The following FNTB variants were observed in gnomAD, a reference collection of about 807,000 sequenced individuals.
FNTB encodes farnesyltransferase, CAAX box, subunit beta.
Under a neutral mutation model 59.4 loss-of-function variants are expected in FNTB, and 27 were observed. The ratio of observed to expected loss-of-function variants is 0.45; its 90% confidence interval spans 0.34 to 0.63. The LOEUF is 0.63. Among genes scored for constraint, FNTB ranks in the 20% least tolerant of loss-of-function variants. The pLI is 0.02. For missense variants in FNTB, 449 were observed against 559.6 expected (o/e 0.80, Z 1.99); for synonymous variants, 230 against 220.7 (o/e 1.04, Z -0.37).
intron 11 of FNTB, 78 bp from the exon 12 acceptor site, chr14:65,061,103 C>T: frequency 1.9e-6 from 3 of 1,568,356 alleles, no homozygotes; most frequent in Admixed American, 3.7e-5. Flanking sequence ...TTAGAAGTGC[C>T]TTTCATGGAG....
intron 11 of FNTB, among the ~76,000 whole-genome samples, chr14:65,055,154 T>C (rs116778467): frequency 1.3e-5 from 2 of 152,312 alleles, no homozygotes; most frequent in African/African-American, 2.4e-5. Flanking sequence ...CTTGTTCATA[T>C]TCTTTGTAGT....
In FNTB at chr14:65,054,288, T is replaced by G. The variant is rs962439475; in HGVS notation, c.1068-287T>G. Among the ~76,000 whole-genome samples, 1 of 152,036 alleles carries G rather than the reference T, an allele frequency of 6.6e-6. No individual in the cohort carries two copies. The highest frequency in any genetic ancestry group is 1.5e-5 in the Non-Finnish European group (1 of 68,018). On this transcript the variant is annotated intron_variant, in intron 10 of 11. Transcript: ENST00000246166. This position sits in a 1 kb window ranked among gnomAD's most constrained non-coding sequence, Gnocchi z 4.4. Reference sequence around the variant, plus strand: ...CCACCACACCTAGCTAATTTTTAATTTTTTGTAGAGACGGGGTCTCCCATG... The same window carrying G: ...CCACCACACCTAGCTAATTTTTAATGTTTTGTAGAGACGGGGTCTCCCATG...
At position 65,044,647 on chromosome 14, in the gene FNTB, T is replaced by C. The variant is rs2062434599; in HGVS notation, c.955+204T>C. On this transcript the variant is annotated intron_variant, in intron 9 of 11. Transcript: ENST00000246166. The surrounding 1 kb of genome is among the most constrained non-coding windows in gnomAD (Gnocchi z 5.5). The stretch of plus-strand genomic sequence containing the variant: ...TCATTGGTTTAGTGTCATTCTTTGC[T>C]TCTTCAAATTGGCTGCGACAGAATG... 4 of 778,876 alleles carry C rather than the reference T, an allele frequency of 5.1e-6. 1 individual carries two copies. Among genetic ancestry groups the C allele is most frequent in the East Asian group, 6.8e-5 (2 of 29,610 alleles). The allele number at this position is 778,876 out of a possible 1,614,324, so 48.2% of individuals were successfully genotyped here.
At chr14:65,048,075 C>A (rs961273692) in intron 9 of FNTB, among the ~76,000 whole-genome samples, 1 of 143,120 alleles carries the variant, frequency 7.0e-6, no homozygotes, top group Admixed American at 7.4e-5. Context: ...GTAGCCTCCT[C>A]GGTTCAATTG....
chr14:65,057,254 G>T (rs1301912271), intron 11 of FNTB, among the ~76,000 whole-genome samples: 2 of 152,094 alleles, frequency 1.3e-5, no homozygotes, highest in African/African-American at 4.8e-5. Flanking sequence ...TTTGTTTTTG[G>T]TGTTTTTTTG....
At chr14:65,002,431 A>G (rs1189344471) in intron 1 of FNTB, among the ~76,000 whole-genome samples, 1 of 152,144 alleles carries the variant, frequency 6.6e-6, no homozygotes, top group Non-Finnish European at 1.5e-5. Flanking sequence ...CAACATGGTG[A>G]AACCTCATCT....
rs1045289070 is a variant in FNTB at position 65,011,307 on chromosome 14, T to C, written c.210-1010T>C. ...AGCTGGGTGTGGTGGCACGTGCCTG[T>C]AATCCCAGCTACTCAGGTGGCTGAG... is the stretch of plus-strand genomic sequence containing the variant. On this transcript the variant is annotated intron_variant, in intron 2 of 11. Coordinates refer to ENST00000246166, the MANE Select transcript of FNTB (RefSeq NM_002028.4). This position sits in a 1 kb window ranked among gnomAD's most constrained non-coding sequence, Gnocchi z 4.0. Among the ~76,000 whole-genome samples the C allele has an allele frequency of 6.6e-6, 1 of 151,906 alleles. No homozygotes were observed. Among genetic ancestry groups the C allele is most frequent in the Non-Finnish European group, 1.5e-5 (1 of 67,998 alleles).
Position 65,044,922 on chromosome 14 carries a change from C to T in FNTB, c.955+479C>T, listed in dbSNP as rs571672562. Among the ~76,000 whole-genome samples, 11 of 152,258 alleles carry T rather than the reference C, an allele frequency of 7.2e-5. No homozygotes were observed. In the East Asian group the frequency reaches 2.1e-3, roughly 29 times the overall value. On this transcript the variant is annotated intron_variant, in intron 9 of 11. Coordinates refer to ENST00000246166, the MANE Select transcript of FNTB (RefSeq NM_002028.4). The surrounding 1 kb of genome is among the most constrained non-coding windows in gnomAD (Gnocchi z 5.5). ...GGGTTGTAGGGGTGGGTTGCCCCTA[C>T]ACCATGGAGAAGAGACTCGCCGTGT... is the stretch of plus-strand genomic sequence containing the variant.
rs1362867861 is a variant in FNTB, at chr14:65,011,693, C to T, written c.210-624C>T. The stretch of plus-strand genomic sequence containing the variant: ...CCCGGCCTGTGCAGGTGGCCATGGG[C>T]GGCACATTCCATCTTAAAGCCAGTA... On this transcript the variant is annotated intron_variant, in intron 2 of 11. Transcript: ENST00000246166. This position sits in a 1 kb window ranked among gnomAD's most constrained non-coding sequence, Gnocchi z 4.0. Among the ~76,000 whole-genome samples the T allele has an allele frequency of 2.0e-5, 3 of 152,196 alleles. No individual in the cohort carries two copies. Among genetic ancestry groups the T allele is most frequent in the Non-Finnish European group, 4.4e-5 (3 of 68,050 alleles).
rs1163514525 is a variant in FNTB, at chr14:65,029,922, G to C, written c.605+2141G>C. 1.3e-5 allele frequency among the ~76,000 whole-genome samples: 2 copies of C among 152,236 alleles called. No homozygotes were observed. The highest frequency in any genetic ancestry group is 2.9e-5 in the Non-Finnish European group (2 of 68,042). ...GAGAGAGAGCAGGAAGACTGATCCA[G>C]GTTGAAGAAGGCTTGGATTTGGGTG... is the stretch of plus-strand genomic sequence containing the variant. On this transcript the variant is annotated intron_variant, in intron 6 of 11. Transcript: ENST00000246166. This position sits in a 1 kb window ranked among gnomAD's most constrained non-coding sequence, Gnocchi z 4.7.
rs1250144254 is a variant in FNTB at position 65,009,734 on chromosome 14, ATG to A, written c.210-2579_210-2578del. Among the ~76,000 whole-genome samples the A allele has an allele frequency of 6.6e-6, 1 of 151,994 alleles. No homozygotes were observed. Among genetic ancestry groups the A allele is most frequent in the East Asian group, 1.9e-4 (1 of 5,186 alleles). The stretch of plus-strand genomic sequence containing the variant: ...ATCCAGCTGAACTAAACTAACTCAA[ATG>A]TGTCATGGTGTTTTCTTCATTTTGC... On this transcript the variant is annotated intron_variant, in intron 2 of 11. Transcript: ENST00000246166. The surrounding 1 kb of genome is among the most constrained non-coding windows in gnomAD (Gnocchi z 4.2).
In FNTB at chr14:64,997,316, G is replaced by T. The variant is rs1250643755; in HGVS notation, c.145-6933G>T. On this transcript the variant is annotated intron_variant, in intron 1 of 11. Coordinates refer to ENST00000246166, the MANE Select transcript of FNTB (RefSeq NM_002028.4). This position sits in a 1 kb window ranked among gnomAD's most constrained non-coding sequence, Gnocchi z 4.5. ...TGACTGGCTGACTCCACACAGACAG[G>T]TCCTGTGGCCCCACCCACAGGCTGA... Among the ~76,000 whole-genome samples the T allele has an allele frequency of 6.6e-6, 1 of 152,062 alleles. No homozygotes were observed. The highest frequency in any genetic ancestry group is 1.5e-5 in the Non-Finnish European group (1 of 68,010).
intron 7 of FNTB, among the ~76,000 whole-genome samples, chr14:65,033,813 C>T (rs1470649166): frequency 3.9e-5 from 6 of 152,110 alleles, no homozygotes; most frequent in Non-Finnish European, 7.4e-5. Flanking sequence ...GCCGAGATCA[C>T]GCCACTGCAC....
intron 1 of FNTB, among the ~76,000 whole-genome samples, chr14:64,989,855 C>G (rs1888120647): frequency 6.6e-6 from 1 of 151,912 alleles, no homozygotes; most frequent in Admixed American, 6.5e-5. Context: ...ATAGCTATCT[C>G]AATATAAAAT....
At position 65,027,915 on chromosome 14, in the gene FNTB, G is replaced by A; in HGVS notation, c.605+134G>A. 8.9e-7 allele frequency: 1 copy of A among 1,121,762 alleles called. No homozygotes were observed. The allele number at this position is 1,121,762 out of a possible 1,614,324, so 69.5% of individuals were successfully genotyped here. ...GAATGACACATGGGATGACATGTCA[G>A]TGACACGTCAGAATCATTCAGATGT... On this transcript the variant is annotated intron_variant, in intron 6 of 11. Coordinates refer to ENST00000246166, the MANE Select transcript of FNTB (RefSeq NM_002028.4). The surrounding 1 kb of genome is among the most constrained non-coding windows in gnomAD (Gnocchi z 5.7).
intron 7 of FNTB, among the ~76,000 whole-genome samples, chr14:65,039,862 A>G (rs1193730157): frequency 6.6e-6 from 1 of 152,220 alleles, no homozygotes; most frequent in Non-Finnish European, 1.5e-5. Context: ...AGAAAAACAA[A>G]AAGGAAAAAT....
chr14:65,027,909 A>G lies in FNTB; in HGVS notation c.605+128A>G. 3.3e-6 allele frequency: 4 copies of G among 1,197,760 alleles called. No homozygotes were observed. Among genetic ancestry groups the G allele is most frequent in the Non-Finnish European group, 4.8e-6 (4 of 839,188 alleles). The allele number at this position is 1,197,760 out of a possible 1,614,324, so 74.2% of individuals were successfully genotyped here. On this transcript the variant is annotated intron_variant, in intron 6 of 11. Coordinates refer to ENST00000246166, the MANE Select transcript of FNTB (RefSeq NM_002028.4). The surrounding 1 kb of genome is among the most constrained non-coding windows in gnomAD (Gnocchi z 5.7). ...GTCCCAGAATGACACATGGGATGAC[A>G]TGTCAGTGACACGTCAGAATCATTC...
At chr14:65,059,260 C>G (rs2062809098) in intron 11 of FNTB, among the ~76,000 whole-genome samples, 1 of 151,962 alleles carries the variant, frequency 6.6e-6, no homozygotes, top group African/African-American at 2.4e-5. Context: ...TGGCCTCAAG[C>G]TATCCTACCT....
chr14:65,040,484 G>T (rs753038133), intron 7 of FNTB, among the ~76,000 whole-genome samples: 1 of 151,580 alleles, frequency 6.6e-6, no homozygotes, highest in East Asian at 1.9e-4. Context: ...TCTTTCACCC[G>T]GGCTGGAGCA....
Sources: allele counts gnomAD v4.1 joint callset (sites outside exome capture counted in the v4.1 genomes callset), GRCh38; gene constraint gnomAD v4.1.1; non-coding constraint Gnocchi (gnomAD v3.1); transcripts MANE v1.5; gene names NCBI Gene and HGNC (gene_info 2026-07-23, HGNC 2026-07-21).